TNRC6C: variants seen among roughly 807,000 people sequenced by gnomAD.
TNRC6C encodes trinucleotide repeat containing adaptor 6C.
In TNRC6C, 20 loss-of-function variants were observed where a neutral mutation model predicts 153.7. The observed-to-expected ratio is 0.13, with a 90% CI of 0.09 to 0.19. The LOEUF (loss-of-function observed/expected upper bound fraction) is 0.19. Ranked by LOEUF, TNRC6C falls within the 10% of genes least tolerant of loss-of-function variation. The pLI, the probability that TNRC6C is intolerant of heterozygous loss-of-function variation, is 1.00. For missense variants in TNRC6C, 1,987 were observed against 2,172.0 expected (o/e 0.91, Z 1.69); for synonymous variants, 811 against 841.4 (o/e 0.96, Z 0.63).
chr17:77,958,465 G>A (rs1208608253), upstream of TNRC6C, among the ~76,000 whole-genome samples: 1 of 151,868 alleles, frequency 6.6e-6, no homozygotes, highest in Non-Finnish European at 1.5e-5. Context: ...AGCGCGGGCG[G>A]GTATTAAGGG....
chr17:78,077,413 C>T (rs1420373091), intron 9 of TNRC6C, 79 bp downstream of exon 11: 1 of 1,514,422 alleles, frequency 6.6e-7, no homozygotes, highest in Non-Finnish European at 8.9e-7. Flanking sequence ...CATAAACTTA[C>T]TTATTTATAG....
chr17:78,087,156 G>T, intron 13 of TNRC6C, 63 bp downstream of exon 15: 2 of 1,571,004 alleles, frequency 1.3e-6, no homozygotes, highest in South Asian at 2.3e-5. Context: ...GTCCGTATGT[G>T]GTAGCCAGGG....
intron 1 of TNRC6C, among the ~76,000 whole-genome samples, chr17:77,972,235 A>AGGCGGG (rs1375016002): frequency 2.6e-5 from 4 of 152,194 alleles, no homozygotes; most frequent in African/African-American, 9.6e-5. Flanking sequence ...AGAGAGGGCC[A>AGGCGGG]GGCGCGGTGG....
At chr17:77,996,126 A>G (rs2071324867) in intron 1 of TNRC6C, among the ~76,000 whole-genome samples, 1 of 152,234 alleles carries the variant, frequency 6.6e-6, no homozygotes, top group Non-Finnish European at 1.5e-5. Context: ...ATATGGCAAT[A>G]CTAAAGTAAT....
intron 3 of TNRC6C, among the ~76,000 whole-genome samples, chr17:78,061,931 T>A (rs1164074554): frequency 6.6e-6 from 1 of 152,208 alleles, no homozygotes; most frequent in Non-Finnish European, 1.5e-5. Flanking sequence ...TAATTTGTAA[T>A]ACCTATTGCC....
chr17:77,998,030 G>A (rs1048983255), intron 1 of TNRC6C, among the ~76,000 whole-genome samples: 14 of 151,864 alleles, frequency 9.2e-5, no homozygotes, highest in Middle Eastern at 3.2e-3. Flanking sequence ...TTTATTTGCA[G>A]TACCATTCAC....
At chr17:78,027,693 G>A (rs572897147) in intron 1 of TNRC6C, among the ~76,000 whole-genome samples, 3 of 152,048 alleles carry the variant, frequency 2.0e-5, no homozygotes, top group Non-Finnish European at 4.4e-5. Flanking sequence ...GAGACATATC[G>A]GTATTGCACA....
At chr17:77,973,541 G>A (rs541714333) in intron 1 of TNRC6C, among the ~76,000 whole-genome samples, 7 of 152,234 alleles carry the variant, frequency 4.6e-5, no homozygotes, top group African/African-American at 1.2e-4. Flanking sequence ...GAAAGGAAGC[G>A]GTGAAACCGT....
Position 78,057,968 on chromosome 17 carries a change from T to G in TNRC6C, c.2395+6511T>G, listed in dbSNP as rs2072692791. 1.3e-5 allele frequency among the ~76,000 whole-genome samples: 2 copies of G among 152,212 alleles called. 1 individual carries two copies. Among genetic ancestry groups the G allele is most frequent in the South Asian group, 4.1e-4 (2 of 4,832 alleles). On this transcript the variant is annotated intron_variant, in intron 3 of 19. Coordinates refer to ENST00000301624, the Ensembl canonical transcript of TNRC6C. ...GGAAATGCAGTATAGCTTCCTAAACTGGATTGTCTGGACCTGGTTCAGGTT... is the reference window on the plus strand; with the variant it reads ...GGAAATGCAGTATAGCTTCCTAAACGGGATTGTCTGGACCTGGTTCAGGTT...
intron 10 of TNRC6C, among the ~76,000 whole-genome samples, chr17:78,080,021 C>T (rs1347474691): frequency 1.3e-5 from 2 of 152,246 alleles, no homozygotes; most frequent in East Asian, 1.9e-4. Flanking sequence ...TAAATGTGAT[C>T]TCATATAATA....
intron 1 of TNRC6C, among the ~76,000 whole-genome samples, chr17:77,971,499 C>T (rs911467184): frequency 6.6e-6 from 1 of 152,136 alleles, no homozygotes; most frequent in Admixed American, 6.5e-5. Flanking sequence ...GTTGCCTGTT[C>T]CACATCTTGA....
intron 6 of TNRC6C, among the ~76,000 whole-genome samples, chr17:78,072,622 C>T (rs1457994313): frequency 2.0e-5 from 3 of 152,186 alleles, no homozygotes; most frequent in African/African-American, 7.2e-5. Context: ...GTGGCTCACA[C>T]CTGTAATCCC....
chr17:78,016,928 G>T (rs1046928037), intron 1 of TNRC6C, among the ~76,000 whole-genome samples: 9 of 152,174 alleles, frequency 5.9e-5, no homozygotes, highest in African/African-American at 2.2e-4. Flanking sequence ...CTGAAGGATG[G>T]AGAAGCTAAG....
intron 3 of TNRC6C, among the ~76,000 whole-genome samples, chr17:78,058,135 T>G (rs2072696085): frequency 6.6e-6 from 1 of 152,204 alleles, no homozygotes; most frequent in Non-Finnish European, 1.5e-5. Context: ...ACTCAGTCTC[T>G]GGTGCGAGCC....
At chr17:78,056,752 A>G (rs771870649) in intron 3 of TNRC6C, among the ~76,000 whole-genome samples, 23 of 152,098 alleles carry the variant, frequency 1.5e-4, no homozygotes, top group Non-Finnish European at 3.1e-4. Context: ...GGCGTGAGCC[A>G]CCACGCCTGG....
intron 1 of TNRC6C, among the ~76,000 whole-genome samples, chr17:78,015,618 A>G (rs972174298): frequency 1.3e-5 from 2 of 152,206 alleles, no homozygotes; most frequent in Non-Finnish European, 2.9e-5. Flanking sequence ...GAAGATTTAA[A>G]TGTACTACTT....
At chr17:78,081,970 T>C (rs1184012211) in intron 10 of TNRC6C, among the ~76,000 whole-genome samples, 15 of 152,050 alleles carry the variant, frequency 9.9e-5, no homozygotes, top group Admixed American at 9.8e-4. Context: ...CCCTCCTTTC[T>C]TTTTCCTTTC....
intron 1 of TNRC6C, among the ~76,000 whole-genome samples, chr17:77,991,202 C>A (rs2071244330): frequency 6.6e-6 from 1 of 152,162 alleles, no homozygotes; most frequent in Non-Finnish European, 1.5e-5. Flanking sequence ...TGGCTGAAAT[C>A]ATTTTCATCA....
At chr17:78,092,895 G>A (rs2073418189) in intron 14 of TNRC6C, 38 bp from the exon 17 acceptor site, 11 of 1,597,378 alleles carry the variant, frequency 6.9e-6, no homozygotes, top group Non-Finnish European at 9.4e-6. Flanking sequence ...CAACTGGAGA[G>A]TATTCACTCG....
Sources: allele counts gnomAD v4.1 joint callset (sites outside exome capture counted in the v4.1 genomes callset), GRCh38; gene constraint gnomAD v4.1.1; transcripts MANE v1.5; gene names NCBI Gene and HGNC (gene_info 2026-07-23, HGNC 2026-07-21).